Variants in SCHIP1 observed in about 807,000 individuals in gnomAD.
SCHIP1 encodes the protein schwannomin-interacting protein 1.
Under a neutral mutation model 29.7 loss-of-function variants are expected in SCHIP1, and 8 were observed. That is an observed-to-expected ratio of 0.27 (90% confidence interval 0.16 to 0.49). The LOEUF (loss-of-function observed/expected upper bound fraction) is 0.49. Among genes scored for constraint, SCHIP1 ranks in the 20% least tolerant of loss-of-function variants. The pLI is 0.99. For missense variants in SCHIP1, 193 were observed against 294.6 expected (o/e 0.66, Z 2.52); for synonymous variants, 76 against 94.9 (o/e 0.80, Z 1.16).
At chr3:159,832,086 C>G in the SCHIP1 span, among the ~76,000 whole-genome samples, 3 of 152,150 alleles carry the variant, frequency 2.0e-5, no homozygotes, top group African/African-American at 4.8e-5. Context: ...CCTACAAAAT[C>G]TCTTGGAAAG....
the SCHIP1 span, among the ~76,000 whole-genome samples, chr3:159,402,787 G>T: frequency 6.6e-6 from 1 of 152,044 alleles, no homozygotes; most frequent in African/African-American, 2.4e-5. Context: ...GTTGTTGGGT[G>T]GGGGGAGCAG....
At chr3:159,713,242 A>G in the SCHIP1 span, among the ~76,000 whole-genome samples, 70 of 88,958 alleles carry the variant, frequency 7.9e-4, no homozygotes, top group Non-Finnish European at 1.3e-3. Flanking sequence ...GGAAGAAAGA[A>G]AGAAAGAAAG....
chr3:159,350,262 C>T, the SCHIP1 span, among the ~76,000 whole-genome samples: 2 of 152,064 alleles, frequency 1.3e-5, no homozygotes, highest in East Asian at 1.9e-4. Flanking sequence ...AAACCCGGCT[C>T]CTTTTGACCT....
chr3:159,808,990 TTTTTTTTTTATTATACTTTAAG>T, the SCHIP1 span, among the ~76,000 whole-genome samples: 5 of 146,572 alleles, frequency 3.4e-5, no homozygotes, highest in African/African-American at 1.2e-4. Flanking sequence ...TCTTTCTTTT[TTTTTTTTTTATTATACTTTAAG>T]TTCTAGGGTG....
chr3:159,754,361 T>A, the SCHIP1 span, among the ~76,000 whole-genome samples: 1 of 152,224 alleles, frequency 6.6e-6, no homozygotes, highest in Non-Finnish European at 1.5e-5. Context: ...ACCTCATTGT[T>A]ATTGAAATTT....
chr3:159,518,474 C>T, the SCHIP1 span, among the ~76,000 whole-genome samples: 8 of 151,818 alleles, frequency 5.3e-5, no homozygotes, highest in African/African-American at 1.9e-4. Context: ...TTTTAAATCC[C>T]TTTGAAGAAA....
chr3:159,332,654 T>C, the SCHIP1 span, among the ~76,000 whole-genome samples: 3 of 152,114 alleles, frequency 2.0e-5, no homozygotes, highest in South Asian at 6.2e-4. Context: ...TTTTTATGCT[T>C]TGGGTTAGAT....
chr3:159,764,799 C>T, the SCHIP1 span: 1 of 1,571,728 alleles, frequency 6.4e-7, no homozygotes, highest in South Asian at 1.2e-5. This position sits in a 1 kb window ranked among gnomAD's most constrained non-coding sequence, Gnocchi z 6.1. Flanking sequence ...GGAGCGCCAC[C>T]ACCGCCATGC....
chr3:159,430,592 G>C, the SCHIP1 span, among the ~76,000 whole-genome samples: 1 of 152,096 alleles, frequency 6.6e-6, no homozygotes, highest in Non-Finnish European at 1.5e-5. Flanking sequence ...TATTAGGCTT[G>C]ATAGGTTTGT....
the SCHIP1 span, among the ~76,000 whole-genome samples, chr3:159,384,491 C>T: frequency 0.78 from 98,249 of 125,256 alleles, 39,143 homozygotes; most frequent in Non-Finnish European, 0.82. Context: ...CTTTTTGATG[C>T]ACTGCTGGAT....
the SCHIP1 span, among the ~76,000 whole-genome samples, chr3:159,459,340 A>C: frequency 6.6e-6 from 1 of 152,176 alleles, no homozygotes; most frequent in Non-Finnish European, 1.5e-5. Flanking sequence ...AAAAAATTTA[A>C]TAAAATGAAG....
the SCHIP1 span, among the ~76,000 whole-genome samples, chr3:159,636,466 T>C: frequency 1.3e-5 from 2 of 152,204 alleles, no homozygotes; most frequent in African/African-American, 4.8e-5. Context: ...GAGAAATCCA[T>C]AAATTGTAAG....
the SCHIP1 span, among the ~76,000 whole-genome samples, chr3:159,820,752 C>T: frequency 2.0e-5 from 3 of 152,016 alleles, no homozygotes; most frequent in Non-Finnish European, 4.4e-5. Context: ...ATAAAGGAGT[C>T]TGGAGTTCAG....
At chr3:159,391,227 T>A in the SCHIP1 span, among the ~76,000 whole-genome samples, 3 of 152,100 alleles carry the variant, frequency 2.0e-5, no homozygotes, top group African/African-American at 7.2e-5. Flanking sequence ...TCTCCTAGAG[T>A]TTTTTTACTG....
At chr3:159,758,411 A>G in the SCHIP1 span, among the ~76,000 whole-genome samples, 1 of 152,190 alleles carries the variant, frequency 6.6e-6, no homozygotes, top group Admixed American at 6.5e-5. Flanking sequence ...TCAGCCTCCC[A>G]AAGTGCTGGG....
At chr3:159,369,227 T>C in the SCHIP1 span, among the ~76,000 whole-genome samples, 1 of 152,222 alleles carries the variant, frequency 6.6e-6, no homozygotes, top group African/African-American at 2.4e-5. Flanking sequence ...CATCTATTCC[T>C]CTGTTGAAAT....
chr3:159,760,209 T>A, the SCHIP1 span, among the ~76,000 whole-genome samples: 47,164 of 152,086 alleles, frequency 0.31, 9,671 homozygotes, highest in African/African-American at 0.58. Context: ...CTTGGTGGTT[T>A]AGGAGGTTGA....
chr3:159,637,338 GA>G, the SCHIP1 span, among the ~76,000 whole-genome samples: 1 of 149,468 alleles, frequency 6.7e-6, no homozygotes, highest in African/African-American at 2.5e-5. Flanking sequence ...CAAAACCTGA[GA>G]AATTTCATAA....
chr3:159,522,641 C>A, the SCHIP1 span, among the ~76,000 whole-genome samples: 6 of 152,052 alleles, frequency 3.9e-5, no homozygotes, highest in African/African-American at 1.4e-4. Flanking sequence ...GAGGCGGAGG[C>A]GGGCAGATCA....
Sources: allele counts gnomAD v4.1 joint callset (sites outside exome capture counted in the v4.1 genomes callset), GRCh38; gene constraint gnomAD v4.1.1; non-coding constraint Gnocchi (gnomAD v3.1); transcripts MANE v1.5; gene names NCBI Gene and HGNC (gene_info 2026-07-23, HGNC 2026-07-21).